STPG2: variants seen among roughly 807,000 people sequenced by gnomAD.
The protein encoded by STPG2 is sperm tail PG-rich repeat containing 2.
STPG2 carries 56 observed loss-of-function variants against 54.2 expected under a neutral mutation model. That is an observed-to-expected ratio of 1.03 (90% CI 0.83 to 1.29). The LOEUF is 1.29. Ranked by LOEUF, STPG2 falls within the 50% of genes most tolerant of loss-of-function variation. The pLI, the probability that STPG2 is intolerant of heterozygous loss-of-function variation, is 0.00. For missense variants in STPG2, 596 were observed against 544.9 expected (o/e 1.09, Z -0.93); for synonymous variants, 200 against 181.8 (o/e 1.10, Z -0.81).
intron 5 of STPG2, among the ~76,000 whole-genome samples, chr4:97,989,202 A>G (rs916136293): frequency 2.0e-5 from 3 of 152,218 alleles, no homozygotes; most frequent in African/African-American, 7.2e-5. Context: ...TTCAGAAGAA[A>G]AGAAACTTCT....
chr4:97,740,181 T>A (rs1031754625), intron 9 of STPG2, among the ~76,000 whole-genome samples: 7 of 152,170 alleles, frequency 4.6e-5, no homozygotes, highest in African/African-American at 1.7e-4. Flanking sequence ...TGCTAAAAAC[T>A]CTCAATAAAT....
At chr4:97,992,460 G>C (rs1735052858) in intron 5 of STPG2, among the ~76,000 whole-genome samples, 1 of 152,110 alleles carries the variant, frequency 6.6e-6, no homozygotes, top group Admixed American at 6.6e-5. Flanking sequence ...TGGTCTGTGT[G>C]CCTATTTCTG....
chr4:97,634,165 C>G (rs1721412160), intron 10 of STPG2, among the ~76,000 whole-genome samples: 1 of 152,206 alleles, frequency 6.6e-6, no homozygotes, highest in South Asian at 2.1e-4. Flanking sequence ...AGACTGCCTC[C>G]TCAAGTGGGT....
intron 4 of STPG2, among the ~76,000 whole-genome samples, chr4:97,549,831 A>T (rs1444678177): frequency 2.0e-5 from 3 of 152,138 alleles, no homozygotes. Context: ...CCCTGCTGAC[A>T]CCTTGATCTT....
At chr4:97,957,916 G>A (rs1024877791) in intron 7 of STPG2, among the ~76,000 whole-genome samples, 2 of 152,074 alleles carry the variant, frequency 1.3e-5, no homozygotes, top group South Asian at 2.1e-4. Context: ...CTGCTAAAAG[G>A]AGCCCTAAAT....
chr4:97,824,484 G>T (rs1728190937), intron 9 of STPG2, among the ~76,000 whole-genome samples: 1 of 152,136 alleles, frequency 6.6e-6, no homozygotes, highest in Non-Finnish European at 1.5e-5. Context: ...TTTGTGCTAT[G>T]AATTTGTCTT....
At chr4:98,100,357 T>C (rs1738989492) in intron 5 of STPG2, among the ~76,000 whole-genome samples, 1 of 152,106 alleles carries the variant, frequency 6.6e-6, no homozygotes, top group Admixed American at 6.6e-5. Context: ...AAATATTCCA[T>C]ATACAAGAAA....
intron 4 of STPG2, among the ~76,000 whole-genome samples, chr4:97,537,162 G>C (rs775953972): frequency 6.6e-6 from 1 of 152,260 alleles, no homozygotes; most frequent in South Asian, 2.1e-4. Context: ...CTGAGGTACC[G>C]TGTTCATCTC....
At chr4:97,480,902 G>A (rs1202567185) in intron 4 of STPG2, among the ~76,000 whole-genome samples, 1 of 151,378 alleles carries the variant, frequency 6.6e-6, no homozygotes, top group Non-Finnish European at 1.5e-5. Flanking sequence ...CTTTTGAAGA[G>A]AATTTCTAAA....
rs1740358496 is a variant in STPG2, at chr4:98,143,358, T to C, written c.-208A>G. The C allele has an allele frequency of 8.9e-6, 5 of 562,206 alleles. No individual in the cohort carries two copies. The highest frequency in any genetic ancestry group is 1.3e-5 in the Non-Finnish European group (4 of 312,726). The allele number at this position is 562,206 out of a possible 1,614,324, so 34.8% of individuals were successfully genotyped here. On this transcript the variant is annotated 5_prime_UTR_variant, in exon 1 of 11. Transcript: ENST00000295268. ...CTCAAATCGATTTCTAGCTCTGTGGTAAAGTAGAGGGGTGAGCGACTAGAG... is the reference window on the plus strand; with the variant it reads ...CTCAAATCGATTTCTAGCTCTGTGGCAAAGTAGAGGGGTGAGCGACTAGAG...
intron 5 of STPG2, among the ~76,000 whole-genome samples, chr4:98,013,657 G>A (rs1230130951): frequency 7.3e-6 from 1 of 137,122 alleles, no homozygotes; most frequent in Non-Finnish European, 1.5e-5. Flanking sequence ...CTTGTTATTG[G>A]TCTATTCAGG....
intron 4 of STPG2, among the ~76,000 whole-genome samples, chr4:97,546,949 T>C (rs1323799361): frequency 6.6e-6 from 1 of 152,146 alleles, no homozygotes; most frequent in Non-Finnish European, 1.5e-5. Flanking sequence ...AGAAGAGACA[T>C]ATAATCCAAA....
chr4:97,995,834 C>G (rs1735188348), intron 5 of STPG2, among the ~76,000 whole-genome samples: 1 of 152,082 alleles, frequency 6.6e-6, no homozygotes, highest in Non-Finnish European at 1.5e-5. Context: ...GAATTGTAAA[C>G]CCCACATGTT....
At chr4:97,662,353 G>T (rs1248439077) in intron 10 of STPG2, among the ~76,000 whole-genome samples, 2 of 151,982 alleles carry the variant, frequency 1.3e-5, no homozygotes, top group African/African-American at 4.8e-5. Flanking sequence ...AGTCAAAATG[G>T]CCATTACTAA....
chr4:97,471,108 G>A (rs1286647177), intron 4 of STPG2, among the ~76,000 whole-genome samples: 1 of 152,138 alleles, frequency 6.6e-6, no homozygotes, highest in South Asian at 2.1e-4. Flanking sequence ...AGGGCAGCCT[G>A]AGATTTCATC....
At chr4:97,773,994 G>GGTGTGTGTGTGTGTGT (rs34968031) in intron 9 of STPG2, among the ~76,000 whole-genome samples, 1 of 147,252 alleles carries the variant, frequency 6.8e-6, no homozygotes, top group African/African-American at 2.5e-5. Context: ...TAAAATATAG[G>GGTGTGTGTGTGTGTGT]GTGTGTGTGT....
intron 8 of STPG2, among the ~76,000 whole-genome samples, chr4:97,909,904 C>A (rs1473889483): frequency 6.6e-6 from 1 of 152,082 alleles, no homozygotes; most frequent in East Asian, 1.9e-4. Context: ...CAGTTTTATC[C>A]AGCATCCTAC....
chr4:97,535,847 G>A (rs940198653), intron 4 of STPG2, among the ~76,000 whole-genome samples: 3 of 152,070 alleles, frequency 2.0e-5, no homozygotes. Context: ...TCCATCTGAG[G>A]CTATAGTTCC....
intron 8 of STPG2, among the ~76,000 whole-genome samples, chr4:97,900,662 T>G (rs1731141667): frequency 6.6e-6 from 1 of 152,064 alleles, no homozygotes; most frequent in Admixed American, 6.6e-5. Context: ...CTTACCAAAC[T>G]AACACAGAAA....
Sources: gnomAD v4.1 joint callset for allele counts (sites outside exome capture counted in the v4.1 genomes callset) on GRCh38, gnomAD v4.1.1 for gene constraint, MANE v1.5 for transcripts, NCBI Gene and HGNC (gene_info 2026-07-23, HGNC 2026-07-21) for gene names.